FADS2: variants seen among roughly 807,000 people sequenced by gnomAD.
FADS2 encodes fatty acid desaturase 2, also known as acyl-CoA 6-desaturase.
Under a neutral mutation model 61.2 loss-of-function variants are expected in FADS2, and 18 were observed. The ratio of observed to expected loss-of-function variants is 0.29; its 90% confidence interval spans 0.20 to 0.44. FADS2 has a LOEUF of 0.44. Among genes scored for constraint, FADS2 ranks in the 20% least tolerant of loss-of-function variants. The pLI, the probability that FADS2 is intolerant of heterozygous loss-of-function variation, is 1.00. For synonymous variants in FADS2, 203 were observed against 223.9 expected (o/e 0.91, Z 0.83); for missense variants, 322 against 572.7 (o/e 0.56, Z 4.47).
chr11:61,852,735 A>G (rs2067317937), intron 5 of FADS2, among the ~76,000 whole-genome samples: 1 of 152,174 alleles, frequency 6.6e-6, no homozygotes, highest in Non-Finnish European at 1.5e-5. Flanking sequence ...ATGGCCTTCC[A>G]ATGAATGGGA....
At position 61,865,462 on chromosome 11, in the gene FADS2, G is replaced by A. The variant is rs1017875566; in HGVS notation, c.1284-176G>A. ...CTGCGAGAAGACCATCCCTTTCTGT[G>A]TGGGGTTCCTGGTGGGCTCTGAGCT... On this transcript the variant is annotated intron_variant, in intron 11 of 11. Transcript: ENST00000278840. This position sits in a 1 kb window ranked among gnomAD's most constrained non-coding sequence, Gnocchi z 4.1. 2 of 963,496 alleles carry A rather than the reference G, an allele frequency of 2.1e-6. No individual in the cohort carries two copies. The highest frequency in any genetic ancestry group is 3.1e-6 in the Non-Finnish European group (2 of 646,922). 59.7% of individuals were successfully genotyped at this position (963,496 alleles called of 1,614,324 possible). A position where few individuals can be genotyped will look rare whatever the true frequency, so the allele number is the denominator to read the frequency against.
At chr11:61,840,571 C>T (rs1013168910) in intron 3 of FADS2, 40 bp downstream of exon 3, 2 of 1,613,106 alleles carry the variant, frequency 1.2e-6, no homozygotes, top group African/African-American at 1.3e-5. Context: ...CTGACAGAGG[C>T]CTGGTGCCTG....
At chr11:61,840,786 G>A (rs978547683) in intron 4 of FADS2, 61 bp downstream of exon 4, 2 of 1,272,606 alleles carry the variant, frequency 1.6e-6, no homozygotes, top group Non-Finnish European at 2.3e-6. Flanking sequence ...AGAGGGACCA[G>A]GATTCCTCTC....
At chr11:61,834,981 G>GCC (rs200730508) in intron 1 of FADS2, among the ~76,000 whole-genome samples, 1 of 107,854 alleles carries the variant, frequency 9.3e-6, no homozygotes, top group Non-Finnish European at 1.9e-5. Flanking sequence ...CTCCCTGCCT[G>GCC]CCCCCCCACC....
chr11:61,824,507 G>GAAAGAAAGA (rs2067065079), upstream of FADS2, among the ~76,000 whole-genome samples: 2 of 103,962 alleles, frequency 1.9e-5, no homozygotes, highest in African/African-American at 7.2e-5. Context: ...AGAAAGGAAA[G>GAAAGAAAGA]AAAGAAAGAA....
chr11:61,816,698 T>C lies in FADS2; in HGVS notation c.141+272T>C. 6.3e-7 allele frequency: 1 copy of C among 1,581,088 alleles called. No individual in the cohort carries two copies. Among genetic ancestry groups the C allele is most frequent in the South Asian group, 1.2e-5 (1 of 86,876 alleles). ...GAGCGCTGGGCCACCTCGTCCCAGG[T>C]GAAGTAGCGCGGGGTAGGTCCCTGA... On this transcript the variant is annotated intron_variant, in intron 1 of 11. Coordinates refer to the FADS2 transcript ENST00000257261. This position sits in a 1 kb window ranked among gnomAD's most constrained non-coding sequence, Gnocchi z 7.0.
intron 1 of FADS2, among the ~76,000 whole-genome samples, chr11:61,829,473 A>G (rs1333824712): frequency 2.6e-5 from 4 of 151,684 alleles, no homozygotes; most frequent in Admixed American, 1.3e-4. Flanking sequence ...TGCCCACCTT[A>G]CCCCCACCAA....
intron 1 of FADS2, 55 bp from the exon 2 acceptor site, chr11:61,837,723 C>A: frequency 7.9e-7 from 1 of 1,266,046 alleles, no homozygotes; most frequent in Non-Finnish European, 1.1e-6. Context: ...CTCCTTGGGG[C>A]CCAAGAGCAG....
intron 7 of FADS2, 114 bp from the exon 8 acceptor site, chr11:61,862,858 C>A: frequency 1.2e-6 from 1 of 805,454 alleles, no homozygotes; most frequent in Non-Finnish European, 2.1e-6. Flanking sequence ...TTTCAGTGGG[C>A]TGCGGTCCAG....
In FADS2 at chr11:61,865,048, G is replaced by T. The variant is rs2067454960; in HGVS notation, c.1158-104G>T. ...TGAGACTGGTCCTGGCTGTGGACAG[G>T]GTCTCTGAGGGCCCCAGCCAGCCTC... On this transcript the variant is annotated intron_variant, in intron 10 of 11. Transcript: ENST00000278840. This position sits in a 1 kb window ranked among gnomAD's most constrained non-coding sequence, Gnocchi z 4.1. 2.2e-6 allele frequency: 3 copies of T among 1,367,502 alleles called. No homozygotes were observed. The highest frequency in any genetic ancestry group is 3.0e-6 in the Non-Finnish European group (3 of 996,644). 84.7% of individuals were successfully genotyped at this position (1,367,502 alleles called of 1,614,324 possible). A position where few individuals can be genotyped will look rare whatever the true frequency, so the allele number is the denominator to read the frequency against.
chr11:61,825,883 A>C, upstream of FADS2: 1 of 584,852 alleles, frequency 1.7e-6, no homozygotes, highest in Non-Finnish European at 3.1e-6. Flanking sequence ...ACAGAGTGAG[A>C]CTGCATCTCA....
intron 10 of FADS2, chr11:61,864,068 C>A (rs551924645): frequency 4.6e-6 from 2 of 436,882 alleles, no homozygotes; most frequent in Admixed American, 3.4e-5. Context: ...AGTTATGGAG[C>A]CTGCACACGC....
At chr11:61,850,409 C>T (rs890278758) in intron 5 of FADS2, among the ~76,000 whole-genome samples, 2 of 152,118 alleles carry the variant, frequency 1.3e-5, no homozygotes, top group Admixed American at 6.5e-5. Flanking sequence ...CACCACCACG[C>T]CTGGCTAATT....
intron 1 of FADS2, among the ~76,000 whole-genome samples, chr11:61,831,537 G>A (rs1168646165): frequency 1.3e-5 from 2 of 152,168 alleles, no homozygotes; most frequent in African/African-American, 4.8e-5. Flanking sequence ...AAAAGATCCA[G>A]GTAGTCAAGA....
intron 1 of FADS2, among the ~76,000 whole-genome samples, chr11:61,830,840 G>C (rs2067122728): frequency 6.6e-6 from 1 of 152,214 alleles, no homozygotes; most frequent in Non-Finnish European, 1.5e-5. Context: ...TGAATGCAAT[G>C]GGGTGTTATC....
chr11:61,828,256 A>G (rs974835304), upstream of FADS2: 19 of 1,432,784 alleles, frequency 1.3e-5, no homozygotes, highest in Admixed American at 2.8e-5. The surrounding 1 kb of genome is among the most constrained non-coding windows in gnomAD (Gnocchi z 6.4). Flanking sequence ...GCGCGGTGGG[A>G]GGAGTAGGAG....
intron 4 of FADS2, among the ~76,000 whole-genome samples, chr11:61,846,252 G>A (rs996373891): frequency 6.6e-6 from 1 of 151,552 alleles, no homozygotes; most frequent in Non-Finnish European, 1.5e-5. Flanking sequence ...GAGTAGTTGG[G>A]ATTACAGGTG....
At chr11:61,837,956 G>T (rs1237428552) in intron 2 of FADS2, 68 bp downstream of exon 2, 10 of 1,101,244 alleles carry the variant, frequency 9.1e-6, no homozygotes, top group Non-Finnish European at 1.4e-5. Context: ...TCTGAGAGAG[G>T]CTCCCCTTGC....
At chr11:61,816,225 G>A (rs2066981177), upstream of FADS2, 3 of 1,589,828 alleles carry the variant, frequency 1.9e-6, no homozygotes, top group East Asian at 2.2e-5. The surrounding 1 kb of genome is among the most constrained non-coding windows in gnomAD (Gnocchi z 7.0). Flanking sequence ...CTCCCTCCTA[G>A]CCTACCCAGC....
Sources: gnomAD v4.1 joint callset for allele counts (sites outside exome capture counted in the v4.1 genomes callset) on GRCh38, gnomAD v4.1.1 for gene constraint, Gnocchi (gnomAD v3.1) non-coding constraint, MANE v1.5 for transcripts, NCBI Gene and HGNC (gene_info 2026-07-23, HGNC 2026-07-21) for gene names.